Variants in NSD2 observed in about 807,000 individuals in gnomAD.
NSD2 encodes nuclear receptor binding SET domain protein 2, also known as histone-lysine N-methyltransferase NSD2.
A neutral mutation model predicts 139.0 loss-of-function variants in NSD2; 12 were observed. That is an observed-to-expected ratio of 0.09 (90% CI 0.06 to 0.14). NSD2 has a LOEUF of 0.14. Ranked by LOEUF, NSD2 falls within the 10% of genes least tolerant of loss-of-function variation. The pLI is 1.00. For synonymous variants in NSD2, 669 were observed against 648.7 expected (o/e 1.03, Z -0.48); for missense variants, 1,155 against 1,745.0 (o/e 0.66, Z 6.02).
intron 1 of NSD2, among the ~76,000 whole-genome samples, chr4:1,896,494 G>A (rs768871474): frequency 3.3e-5 from 5 of 152,196 alleles, no homozygotes; most frequent in East Asian, 1.9e-4. Context: ...TCAGCCTCCC[G>A]GGTAGCTGGG....
chr4:1,876,769 A>C (rs1714293286), intron 1 of NSD2, among the ~76,000 whole-genome samples: 1 of 152,094 alleles, frequency 6.6e-6, no homozygotes. Flanking sequence ...TTTTTCTGGA[A>C]GGAATTGGAA....
At chr4:1,872,633 A>AGAGCGC (rs1413261545) in intron 1 of NSD2, among the ~76,000 whole-genome samples, 1 of 131,036 alleles carries the variant, frequency 7.6e-6, no homozygotes, top group African/African-American at 2.8e-5. Context: ...AGAGAGAGAG[A>AGAGCGC]GAGCGCGCAG....
chr4:1,974,083 A>AC lies in NSD2; in HGVS notation c.3373-779dup, dbSNP rs1560807673. Among the ~76,000 whole-genome samples, 1 of 152,052 alleles carries AC rather than the reference A, an allele frequency of 6.6e-6. No individual in the cohort carries two copies. Among genetic ancestry groups the AC allele is most frequent in the African/African-American group, 2.4e-5 (1 of 41,392 alleles). On this transcript the variant is annotated intron_variant, in intron 18 of 21. Coordinates refer to ENST00000508803, the MANE Select transcript of NSD2 (RefSeq NM_001042424.3). The surrounding 1 kb of genome is among the most constrained non-coding windows in gnomAD (Gnocchi z 4.0). ...CTGCAGCCACCCCTCATCTCAGCCA[A>AC]CGCCACATCAGCGCCATGGGTGCAA... is the stretch of plus-strand genomic sequence containing the variant.
intron 5 of NSD2, among the ~76,000 whole-genome samples, chr4:1,925,822 G>T (rs1308054725): frequency 6.6e-6 from 1 of 151,190 alleles, no homozygotes; most frequent in Non-Finnish European, 1.5e-5. Flanking sequence ...TTGTTTTTGA[G>T]ACAGGGTCTT....
rs931064655 is a variant in NSD2, at chr4:1,871,814, C to G, written c.-30+272C>G. ...GGGAGGACCGGGCGGACCGCGGAGG[C>G]CGGGACGAGTCCGGGCAGGGGAGGG... On this transcript the variant is annotated intron_variant, in intron 1 of 21. Transcript: ENST00000508803. Among the ~76,000 whole-genome samples the G allele has an allele frequency of 5.5e-5, 8 of 146,390 alleles. No individual in the cohort carries two copies. In the South Asian group the frequency reaches 1.7e-3, roughly 31 times the overall value.
chr4:1,957,232 T>G (rs1724914403), intron 15 of NSD2, among the ~76,000 whole-genome samples: 1 of 152,208 alleles, frequency 6.6e-6, no homozygotes, highest in Admixed American at 6.5e-5. Flanking sequence ...CTATGGTTAA[T>G]CTCTCAGAAC....
At chr4:1,922,206 T>G (rs979802681) in intron 5 of NSD2, among the ~76,000 whole-genome samples, 17 of 152,140 alleles carry the variant, frequency 1.1e-4, no homozygotes, top group African/African-American at 4.1e-4. Flanking sequence ...TTTGCAGAAG[T>G]CTATGTAGAA....
In NSD2 at chr4:1,951,093, G is replaced by A. The variant is rs2108940225; in HGVS notation, c.1903G>A (p.Glu635Lys). ...CTAGGTCTCGGACAGCCCGGGAGAC[G>A]AGCCCTCGGAGTCCCCATACGAAAG... is the stretch of plus-strand genomic sequence containing the variant. The part of the protein sequence containing the change: ...ENEVSDSPGD[E>K]PSESPYESAD... The change falls in exon 10 of 22, where the codon GAG becomes AAG. Residue 635 changes from glutamate (E) to lysine (K), a missense_variant. Physicochemically the swap from Glu to Lys is moderately conservative, Grantham distance 56 (BLOSUM62 1). This residue lies in a region of NSD2 where 420 missense variants were observed against 469.0 expected (regional missense o/e 0.90). Coordinates refer to ENST00000508803, the MANE Select transcript of NSD2 (RefSeq NM_001042424.3). 2 of 1,614,136 alleles carry A rather than the reference G, an allele frequency of 1.2e-6. No individual in the cohort carries two copies. Among genetic ancestry groups the A allele is most frequent in the Non-Finnish European group, 1.7e-6 (2 of 1,179,996 alleles).
Position 1,948,569 on chromosome 4 carries a change from A to G in NSD2, c.1882-2503A>G, listed in dbSNP as rs1723881991. On this transcript the variant is annotated intron_variant, in intron 9 of 21. Transcript: ENST00000508803. This position sits in a 1 kb window ranked among gnomAD's most constrained non-coding sequence, Gnocchi z 4.5. ...GGCTGGGAGGGGGTGTGGTGGGAAA[A>G]AGTCGGAATCTCTGCAATCTGTGTC... The G allele has an allele frequency of 9.4e-7, 1 of 1,064,046 alleles. No individual in the cohort carries two copies. 65.9% of individuals were successfully genotyped at this position (1,064,046 alleles called of 1,614,324 possible).
rs899488168 is a variant in NSD2, at chr4:1,973,769, A to G, written c.3373-1094A>G. ...CGCTTCCTGGGACCATGTTTATCCC[A>G]GTGTTTATCCCTGTTCACACACGTG... On this transcript the variant is annotated intron_variant, in intron 18 of 21. Transcript: ENST00000508803. This position sits in a 1 kb window ranked among gnomAD's most constrained non-coding sequence, Gnocchi z 5.5. 1.3e-5 allele frequency among the ~76,000 whole-genome samples: 2 copies of G among 152,136 alleles called. No homozygotes were observed. The highest frequency in any genetic ancestry group is 2.9e-5 in the Non-Finnish European group (2 of 68,016).
intron 1 of NSD2, among the ~76,000 whole-genome samples, chr4:1,884,071 C>A (rs900940827): frequency 6.6e-6 from 1 of 152,188 alleles, no homozygotes; most frequent in Admixed American, 6.6e-5. Flanking sequence ...GAGAAAGTTG[C>A]AGATATAAAA....
At chr4:1,880,668 T>G (rs1714633458) in intron 1 of NSD2, among the ~76,000 whole-genome samples, 1 of 149,558 alleles carries the variant, frequency 6.7e-6, no homozygotes, top group Non-Finnish European at 1.5e-5. Flanking sequence ...TAACAACCAA[T>G]CTACAGGAAA....
intron 1 of NSD2, among the ~76,000 whole-genome samples, chr4:1,874,283 C>A (rs997978694): frequency 1.3e-5 from 2 of 152,116 alleles, no homozygotes; most frequent in African/African-American, 2.4e-5. Context: ...ACCTTGTTCT[C>A]CAAATACGTG....
rs545857056 is a variant in NSD2 at position 1,949,496 on chromosome 4, C to T, written c.1882-1576C>T. Among the ~76,000 whole-genome samples the T allele has an allele frequency of 6.1e-3, 936 of 152,268 alleles. 16 individuals carry two copies. The highest frequency in any genetic ancestry group is 7.1e-3 in the Non-Finnish European group (484 of 68,010). On this transcript the variant is annotated intron_variant, in intron 9 of 21. Transcript: ENST00000508803. ...AGCCCACTCTGGCTGGGTGCGGTGG[C>T]TCATGCCTGTAATCCCAGCACTTTG...
chr4:1,954,165 A>G (rs1724574104), intron 12 of NSD2, among the ~76,000 whole-genome samples: 1 of 151,940 alleles, frequency 6.6e-6, no homozygotes, highest in African/African-American at 2.4e-5. Flanking sequence ...TTGTATTTTT[A>G]GTAGAGACGG....
At chr4:1,970,499 G>A (rs963786841) in intron 18 of NSD2, among the ~76,000 whole-genome samples, 9 of 152,192 alleles carry the variant, frequency 5.9e-5, no homozygotes, top group African/African-American at 2.2e-4. Context: ...TTGGGCAGTG[G>A]CAGCTGCCGG....
chr4:1,961,213 C>T lies in NSD2; in HGVS notation c.3372+62C>T, dbSNP rs146473947. ...CTGGACCTGGAGCCCTGATGGTCACCTGTAGAACTGGACTTTGCCCTGTGG... is the reference window on the plus strand; with the variant it reads ...CTGGACCTGGAGCCCTGATGGTCACTTGTAGAACTGGACTTTGCCCTGTGG... On this transcript the variant is annotated intron_variant, in intron 18 of 21. Coordinates refer to ENST00000508803, the MANE Select transcript of NSD2 (RefSeq NM_001042424.3). 5.0e-4 allele frequency: 682 copies of T among 1,368,272 alleles called. No individual in the cohort carries two copies. In the African/African-American group the frequency reaches 8.5e-3, roughly 17 times the overall value. The allele number at this position is 1,368,272 out of a possible 1,614,324, so 84.8% of individuals were successfully genotyped here. A position where few individuals can be genotyped will look rare whatever the true frequency, so the allele number is the denominator to read the frequency against.
At chr4:1,898,646 C>T (rs185533999) in intron 1 of NSD2, among the ~76,000 whole-genome samples, 4,037 of 145,400 alleles carry the variant, frequency 0.028, 188 homozygotes, top group African/African-American at 0.1. Context: ...GGTGACAGAG[C>T]GAGACTCCGT....
chr4:1,973,851 GC>G lies in NSD2; in HGVS notation c.3373-1011del, dbSNP rs569739705. 7.9e-5 allele frequency among the ~76,000 whole-genome samples: 12 copies of G among 152,316 alleles called. No homozygotes were observed. In the South Asian group the frequency reaches 2.5e-3, roughly 32 times the overall value. On this transcript the variant is annotated intron_variant, in intron 18 of 21. Coordinates refer to ENST00000508803, the MANE Select transcript of NSD2 (RefSeq NM_001042424.3). This position sits in a 1 kb window ranked among gnomAD's most constrained non-coding sequence, Gnocchi z 5.5. ...ATGTGGCCTTTTGATTTCTCCCCAC[GC>G]GGTTGTGCGGTGGATCTGGCGGCTC...
Sources: allele counts gnomAD v4.1 joint callset (sites outside exome capture counted in the v4.1 genomes callset), GRCh38; gene constraint gnomAD v4.1.1; regional missense constraint gnomAD v4.1.1; non-coding constraint Gnocchi (gnomAD v3.1); transcripts MANE v1.5; gene names NCBI Gene and HGNC (gene_info 2026-07-23, HGNC 2026-07-21).